The following ACYP2 variants were observed in gnomAD, a reference collection of about 807,000 sequenced individuals.
ACYP2 encodes acylphosphatase 2.
A neutral mutation model predicts 11.2 loss-of-function variants in ACYP2; 12 were observed. That is an observed-to-expected ratio of 1.08 (90% CI 0.69 to 1.74). The LOEUF (loss-of-function observed/expected upper bound fraction) is 1.74, where lower values mean the gene tolerates loss of function less well. Among genes scored for constraint, ACYP2 ranks in the 40% most tolerant of loss-of-function variants. ACYP2 has a pLI of 0.00. For synonymous variants in ACYP2, 43 were observed against 32.2 expected (o/e 1.33, Z -1.13); for missense variants, 134 against 101.9 (o/e 1.31, Z -1.35).
intron 4 of ACYP2, among the ~76,000 whole-genome samples, chr2:54,089,543 G>C (rs1242908105): frequency 7.9e-5 from 12 of 151,792 alleles, no homozygotes; most frequent in Admixed American, 7.9e-4. Flanking sequence ...TTCGAGACCA[G>C]CCTGGGCAAC....
intron 6 of ACYP2, among the ~76,000 whole-genome samples, chr2:54,298,516 G>C (rs1462616835): frequency 6.6e-6 from 1 of 152,166 alleles, no homozygotes; most frequent in Non-Finnish European, 1.5e-5. Context: ...TAAAACCTTG[G>C]AAACTAGAAA....
intron 2 of ACYP2, among the ~76,000 whole-genome samples, chr2:54,003,877 A>G (rs1672925109): frequency 6.6e-6 from 1 of 152,190 alleles, no homozygotes; most frequent in Non-Finnish European, 1.5e-5. Context: ...GTTTCTGTTG[A>G]TCTAGCTCCT....
intron 6 of ACYP2, among the ~76,000 whole-genome samples, chr2:54,216,542 A>AT (rs202231897): frequency 0.28 from 40,558 of 146,308 alleles, 5,551 homozygotes; most frequent in East Asian, 0.4. Flanking sequence ...TCACGTTTAC[A>AT]TTTTTTTTTT....
chr2:54,063,976 A>G (rs1049402605), intron 4 of ACYP2, among the ~76,000 whole-genome samples: 3 of 152,196 alleles, frequency 2.0e-5, no homozygotes, highest in African/African-American at 7.2e-5. Context: ...GCAAAGGTTT[A>G]TAGGATGCAG....
chr2:54,072,519 C>T (rs1457666616), intron 4 of ACYP2, among the ~76,000 whole-genome samples: 3 of 134,844 alleles, frequency 2.2e-5, no homozygotes, highest in Admixed American at 1.5e-4. Flanking sequence ...CTCTTTCTTT[C>T]TTCTTTCTTT....
intron 2 of ACYP2, among the ~76,000 whole-genome samples, chr2:53,974,282 G>C (rs1396060309): frequency 6.6e-6 from 1 of 152,076 alleles, no homozygotes; most frequent in East Asian, 1.9e-4. Flanking sequence ...TATTGGGTGA[G>C]GACGACAAAG....
At chr2:54,284,711 G>C (rs1689006096) in intron 6 of ACYP2, among the ~76,000 whole-genome samples, 2 of 152,084 alleles carry the variant, frequency 1.3e-5, no homozygotes, top group Non-Finnish European at 2.9e-5. Flanking sequence ...CCTTGATAAA[G>C]CTATGTTGAC....
intron 4 of ACYP2, among the ~76,000 whole-genome samples, chr2:54,134,187 A>C (rs1681089671): frequency 6.6e-6 from 1 of 152,134 alleles, no homozygotes; most frequent in Non-Finnish European, 1.5e-5. Flanking sequence ...CTAGCTACTC[A>C]GGAGGCGAGG....
At chr2:54,102,348 C>T (rs893202189) in intron 4 of ACYP2, among the ~76,000 whole-genome samples, 1 of 152,184 alleles carries the variant, frequency 6.6e-6, no homozygotes, top group South Asian at 2.1e-4. Flanking sequence ...TAGAGACCAG[C>T]TTAAGCAAAT....
intron 6 of ACYP2, among the ~76,000 whole-genome samples, chr2:54,219,265 C>G (rs843751): frequency 0.24 from 36,509 of 152,034 alleles, 4,705 homozygotes; most frequent in South Asian, 0.38. Context: ...AAATATTATA[C>G]AGAGGCATTG....
intron 6 of ACYP2, among the ~76,000 whole-genome samples, chr2:54,224,536 T>G (rs1257221502): frequency 6.6e-6 from 1 of 152,180 alleles, no homozygotes; most frequent in Non-Finnish European, 1.5e-5. Context: ...CATGACAGTG[T>G]AGAAAACCAA....
At chr2:54,112,536 T>C (rs2103720405) in intron 4 of ACYP2, among the ~76,000 whole-genome samples, 2 of 152,330 alleles carry the variant, frequency 1.3e-5, no homozygotes, top group Middle Eastern at 3.4e-3. Flanking sequence ...GCTACATGCA[T>C]AAATATTTTC....
intron 6 of ACYP2, among the ~76,000 whole-genome samples, chr2:54,148,278 G>A (rs1681988188): frequency 6.6e-6 from 1 of 151,982 alleles, no homozygotes; most frequent in Non-Finnish European, 1.5e-5. Flanking sequence ...TGGCCAGGAA[G>A]AAGGGGATGG....
In ACYP2 at chr2:54,041,109, C is replaced by CT. The variant is rs55975751; in HGVS notation, c.63-9840dup. Among the ~76,000 whole-genome samples, 1,113 of 149,624 alleles carry CT rather than the reference C, an allele frequency of 7.4e-3. 19 individuals carry two copies. The highest frequency in any genetic ancestry group is 0.026 in the African/African-American group (1,048 of 40,712). On this transcript the variant is annotated intron_variant, in intron 2 of 6. Transcript: ENST00000607452. The stretch of plus-strand genomic sequence containing the variant: ...TCTCTCTCTCTTTCTTTCTTTCTTT[C>CT]TTTTTTTTTGTATTTTTTGTAGAGA...
intron 6 of ACYP2, among the ~76,000 whole-genome samples, chr2:54,246,303 T>A (rs1433610224): frequency 1.3e-5 from 2 of 152,138 alleles, no homozygotes; most frequent in African/African-American, 2.4e-5. Context: ...CTTGTTACTG[T>A]AGTTATAATT....
chr2:54,229,991 T>C (rs55743218), intron 6 of ACYP2, among the ~76,000 whole-genome samples: 33,852 of 152,150 alleles, frequency 0.22, 4,160 homozygotes, highest in East Asian at 0.39. Flanking sequence ...CTACAAACCA[T>C]AAATTCTCAT....
At chr2:54,128,392 A>C (rs1438132457) in intron 4 of ACYP2, among the ~76,000 whole-genome samples, 1 of 151,296 alleles carries the variant, frequency 6.6e-6, no homozygotes, top group Admixed American at 6.6e-5. Context: ...TTTTGGCTGG[A>C]GGTAGTGGCT....
Position 54,258,347 on chromosome 2 carries a change from G to A in ACYP2, c.405-46341G>A, listed in dbSNP as rs112589246. 3.9e-3 allele frequency among the ~76,000 whole-genome samples: 589 copies of A among 152,300 alleles called. 6 individuals carry two copies. Among genetic ancestry groups the A allele is most frequent in the African/African-American group, 0.013 (560 of 41,556 alleles). ...GTCAGCTAGTAGAAATCCTGGAGGAGAGCATTTCAGCACGAGAAGTGCTAA... is the reference window on the plus strand; with the variant it reads ...GTCAGCTAGTAGAAATCCTGGAGGAAAGCATTTCAGCACGAGAAGTGCTAA... On this transcript the variant is annotated intron_variant, in intron 6 of 6. Coordinates refer to ENST00000607452, the MANE Select transcript of ACYP2 (RefSeq NM_001320586.2).
chr2:54,175,889 G>A (rs1572891755), intron 6 of ACYP2, among the ~76,000 whole-genome samples: 1 of 152,054 alleles, frequency 6.6e-6, no homozygotes, highest in East Asian at 1.9e-4. Context: ...TAGGGAGTGG[G>A]GCCTTTTGGT....
Sources: gnomAD v4.1 joint callset for allele counts (sites outside exome capture counted in the v4.1 genomes callset) on GRCh38, gnomAD v4.1.1 for gene constraint, MANE v1.5 for transcripts, NCBI Gene and HGNC (gene_info 2026-07-23, HGNC 2026-07-21) for gene names.